The following AFAP1 variants were observed in gnomAD, a reference collection of about 807,000 sequenced individuals.
AFAP1 encodes actin filament-associated protein 1.
Under a neutral mutation model 93.9 loss-of-function variants are expected in AFAP1, and 75 were observed. The observed-to-expected ratio is 0.80, with a 90% CI of 0.66 to 0.97. The LOEUF is 0.97. Among genes scored for constraint, AFAP1 ranks in the 50% least tolerant of loss-of-function variants. AFAP1 has a pLI of 0.00. For synonymous variants in AFAP1, 517 were observed against 430.7 expected (o/e 1.20, Z -2.48); for missense variants, 1,201 against 1,050.8 (o/e 1.14, Z -1.98).
chr4:7,928,955 A>G (rs983929289), intron 1 of AFAP1, among the ~76,000 whole-genome samples: 2 of 152,194 alleles, frequency 1.3e-5, no homozygotes, highest in African/African-American at 2.4e-5. Context: ...CAGCCACAGC[A>G]CCTGGTTGCT....
At chr4:7,860,747 C>T (rs967537383) in intron 3 of AFAP1, among the ~76,000 whole-genome samples, 3 of 152,236 alleles carry the variant, frequency 2.0e-5, no homozygotes, top group Admixed American at 6.5e-5. Flanking sequence ...GCGGGCTGAG[C>T]GGACAAGATG....
In AFAP1 at chr4:7,868,690, G is replaced by C. The variant is rs1331846602; in HGVS notation, c.157C>G (p.Gln53Glu). Residue 53 changes from glutamine to glutamate, a missense_variant, in exon 3 of 18, where the codon CAG becomes GAG. Transcript: ENST00000420658. ...GFDVKDHAQK[Q>E]ETANSLPAPP... ...GCTGGCAGGCTGTTAGCGGTCTCCT[G>C]CTTCTGAGCATGGTCCTTCACATCA... 2 of 1,613,454 alleles carry C rather than the reference G, an allele frequency of 1.2e-6. No homozygotes were observed. Among genetic ancestry groups the C allele is most frequent in the Non-Finnish European group, 1.7e-6 (2 of 1,179,932 alleles).
intron 4 of AFAP1, among the ~76,000 whole-genome samples, chr4:7,852,858 G>C (rs1714610071): frequency 1.3e-5 from 2 of 152,090 alleles, no homozygotes; most frequent in Admixed American, 1.3e-4. Flanking sequence ...GGGCTAACAG[G>C]AGTCAACCTT....
intron 8 of AFAP1, among the ~76,000 whole-genome samples, chr4:7,812,328 G>A (rs1467238825): frequency 2.0e-5 from 3 of 152,100 alleles, no homozygotes; most frequent in African/African-American, 4.8e-5. Context: ...ATCGCGGTGA[G>A]CTGGGGTGTC....
intron 1 of AFAP1, among the ~76,000 whole-genome samples, chr4:7,924,900 C>T (rs1450516491): frequency 6.6e-6 from 1 of 152,060 alleles, no homozygotes; most frequent in Non-Finnish European, 1.5e-5. Context: ...CCCTGTTTCC[C>T]AGTTAGGATC....
At chr4:7,786,452 C>G in intron 11 of AFAP1, 141 bp from the exon 12 acceptor site, 1 of 707,320 alleles carries the variant, frequency 1.4e-6, no homozygotes, top group Middle Eastern at 2.5e-4. Context: ...GACAGAATCT[C>G]GGCAGAAATG....
intron 1 of AFAP1, among the ~76,000 whole-genome samples, chr4:7,897,303 C>T (rs1327736516): frequency 4.6e-5 from 7 of 152,132 alleles, no homozygotes; most frequent in African/African-American, 1.7e-4. Flanking sequence ...CTGCTGTTTA[C>T]GAACAAACGG....
At chr4:7,797,773 T>C (rs1718576757) in intron 10 of AFAP1, among the ~76,000 whole-genome samples, 1 of 152,180 alleles carries the variant, frequency 6.6e-6, no homozygotes, top group Admixed American at 6.5e-5. Context: ...ACTGTGGTTC[T>C]GGTAAGGTGT....
chr4:7,902,973 T>C (rs1178150045), intron 1 of AFAP1, among the ~76,000 whole-genome samples: 2 of 152,244 alleles, frequency 1.3e-5, no homozygotes, highest in African/African-American at 4.8e-5. Flanking sequence ...GAGGTTATCT[T>C]GTATCATTTC....
rs76143232 is a variant in AFAP1, at chr4:7,761,141, G to C, written c.*2624C>G. The C allele has an allele frequency of 6.6e-6, 1 of 152,178 alleles. No homozygotes were observed. The highest frequency in any genetic ancestry group is 1.5e-5 in the Non-Finnish European group (1 of 68,020). 9.4% of individuals were successfully genotyped at this position (152,178 alleles called of 1,614,324 possible). ...GGCTCGCGTGTGTCTAATATGTACAGATATAAATTAAAAACTATATTTATT... is the reference window on the plus strand; with the variant it reads ...GGCTCGCGTGTGTCTAATATGTACACATATAAATTAAAAACTATATTTATT... On this transcript the variant is annotated 3_prime_UTR_variant, in exon 18 of 18. Coordinates refer to ENST00000420658, the MANE Select transcript of AFAP1 (RefSeq NM_001134647.2).
At chr4:7,819,411 T>G (rs1352166170) in intron 6 of AFAP1, among the ~76,000 whole-genome samples, 1 of 152,246 alleles carries the variant, frequency 6.6e-6, no homozygotes, top group Non-Finnish European at 1.5e-5. Context: ...CTACGTTTCC[T>G]GCTGGCATGG....
At chr4:7,871,783 C>T (rs1304100065) in intron 2 of AFAP1, among the ~76,000 whole-genome samples, 169 bp downstream of exon 2, 2 of 152,174 alleles carry the variant, frequency 1.3e-5, no homozygotes, top group African/African-American at 4.8e-5. Context: ...CACCTGGAGG[C>T]TAACACAGAA....
intron 1 of AFAP1, among the ~76,000 whole-genome samples, chr4:7,886,040 G>A (rs1037377586): frequency 2.1e-4 from 32 of 152,256 alleles, no homozygotes; most frequent in Admixed American, 1.7e-3. Flanking sequence ...ATCCAAATGC[G>A]CTGCTTAAAG....
chr4:7,848,295 T>A (rs28621561), intron 4 of AFAP1, among the ~76,000 whole-genome samples: 118,998 of 148,176 alleles, frequency 0.8, 48,015 homozygotes, highest in East Asian at 0.93. Flanking sequence ...TGGCTCATGC[T>A]ATTATGGAGA....
At chr4:7,804,839 G>C (rs974061189) in intron 9 of AFAP1, among the ~76,000 whole-genome samples, 1 of 152,178 alleles carries the variant, frequency 6.6e-6, no homozygotes, top group Non-Finnish European at 1.5e-5. Context: ...TTTCTGATCA[G>C]CTAGGAGGAG....
intron 16 of AFAP1, among the ~76,000 whole-genome samples, chr4:7,771,201 G>A (rs1327959271): frequency 2.0e-5 from 3 of 152,208 alleles, no homozygotes; most frequent in African/African-American, 7.2e-5. Context: ...TGCAGGCCTG[G>A]AACAGTTTGT....
At chr4:7,859,442 A>G (rs1283918581) in intron 3 of AFAP1, among the ~76,000 whole-genome samples, 1 of 152,014 alleles carries the variant, frequency 6.6e-6, no homozygotes, top group Non-Finnish European at 1.5e-5. Context: ...ACAAGGGTCC[A>G]AAGTCTAACC....
chr4:7,902,315 A>T (rs553145528), intron 1 of AFAP1, among the ~76,000 whole-genome samples: 35 of 152,318 alleles, frequency 2.3e-4, no homozygotes, highest in Admixed American at 2.2e-3. Context: ...TTCTCCTGCC[A>T]TGCAAATTTA....
rs1225178129 is a variant in AFAP1, at chr4:7,867,087, A to AGAGGG, written c.225+1530_225+1534dup. On this transcript the variant is annotated intron_variant, in intron 3 of 17. Coordinates refer to ENST00000420658, the MANE Select transcript of AFAP1 (RefSeq NM_001134647.2). ...GGAGGGGAGGAGAAGGGAGGGGAGGAGAGGGGAGGAGAGGGGAGTAGAGGG... is the reference window on the plus strand; with the variant it reads ...GGAGGGGAGGAGAAGGGAGGGGAGGAGAGGGGAGGGGAGGAGAGGGGAGTAGAGGG... Among the ~76,000 whole-genome samples the AGAGGG allele has an allele frequency of 5.5e-4, 26 of 47,304 alleles. 1 individual carries two copies. Among genetic ancestry groups the AGAGGG allele is most frequent in the African/African-American group, 2.6e-3 (25 of 9,776 alleles). The allele number at this position is 47,304 out of a possible 152,430, so 31.0% of individuals were successfully genotyped here. A position where few individuals can be genotyped will look rare whatever the true frequency, so the allele number is the denominator to read the frequency against.
Sources: gnomAD v4.1 joint callset for allele counts (sites outside exome capture counted in the v4.1 genomes callset) on GRCh38, gnomAD v4.1.1 for gene constraint, MANE v1.5 for transcripts, NCBI Gene and HGNC (gene_info 2026-07-23, HGNC 2026-07-21) for gene names.